NFIA: variants seen among roughly 807,000 people sequenced by gnomAD.
NFIA encodes nuclear factor I A.
A neutral mutation model predicts 62.8 loss-of-function variants in NFIA; 8 were observed. The ratio of observed to expected loss-of-function variants is 0.13; its 90% CI spans 0.07 to 0.23. The LOEUF (loss-of-function observed/expected upper bound fraction) is 0.23, where lower values mean the gene tolerates loss of function less well. Among genes scored for constraint, NFIA ranks in the 10% least tolerant of loss-of-function variants. NFIA has a pLI of 1.00. For missense variants in NFIA, 410 were observed against 642.1 expected (o/e 0.64, Z 3.91); for synonymous variants, 235 against 238.1 (o/e 0.99, Z 0.12).
At chr1:61,199,563 A>G (rs1652275452) in intron 2 of NFIA, among the ~76,000 whole-genome samples, 1 of 152,086 alleles carries the variant, frequency 6.6e-6, no homozygotes, top group Non-Finnish European at 1.5e-5. Flanking sequence ...TTGAGATTGT[A>G]TATACTACAT....
chr1:61,295,253 A>C (rs1425044452), intron 3 of NFIA, among the ~76,000 whole-genome samples: 2 of 152,216 alleles, frequency 1.3e-5, no homozygotes, highest in East Asian at 3.8e-4. Context: ...TCCATGGCAA[A>C]GCTGACTGAC....
At chr1:61,267,335 C>G (rs977767622) in intron 2 of NFIA, among the ~76,000 whole-genome samples, 29 of 151,748 alleles carry the variant, frequency 1.9e-4, no homozygotes, top group Admixed American at 1.6e-3. Context: ...ATGGTGAAAC[C>G]CTGTCTCTAC....
upstream of NFIA, among the ~76,000 whole-genome samples, chr1:61,079,349 T>G (rs1238339411): frequency 6.6e-6 from 1 of 152,264 alleles, no homozygotes; most frequent in East Asian, 1.9e-4. Flanking sequence ...CCCTATTAAG[T>G]AACCTCCAAA....
chr1:61,200,006 A>G lies in NFIA; in HGVS notation c.560-77514A>G, dbSNP rs1250000307. On this transcript the variant is annotated intron_variant, in intron 2 of 10. Coordinates refer to ENST00000403491, the MANE Select transcript of NFIA (RefSeq NM_001134673.4). ...CGAGACTCCAACTCACAAAATATAT[A>G]TATGTATATATATATATATATATAT... Among the ~76,000 whole-genome samples the G allele has an allele frequency of 7.5e-5, 5 of 66,928 alleles. 1 individual carries two copies. The highest frequency in any genetic ancestry group is 2.9e-4 in the African/African-American group (5 of 17,114). 43.9% of individuals were successfully genotyped at this position (66,928 alleles called of 152,430 possible). A position where few individuals can be genotyped will look rare whatever the true frequency, so the allele number is the denominator to read the frequency against.
chr1:61,309,855 C>T (rs561997820), intron 3 of NFIA, among the ~76,000 whole-genome samples: 5 of 152,230 alleles, frequency 3.3e-5, no homozygotes, highest in Admixed American at 6.5e-5. Flanking sequence ...CACCACTGCA[C>T]TCCAGCCTGG....
chr1:61,153,295 G>C (rs565305655), intron 2 of NFIA, among the ~76,000 whole-genome samples: 10 of 152,338 alleles, frequency 6.6e-5, no homozygotes, highest in African/African-American at 2.2e-4. Flanking sequence ...TTTGCCTGCA[G>C]AGTCTATAAG....
chr1:61,247,307 C>G (rs1056048771), intron 2 of NFIA, among the ~76,000 whole-genome samples: 10 of 152,340 alleles, frequency 6.6e-5, no homozygotes, highest in African/African-American at 2.2e-4. Context: ...GTGTACTTCA[C>G]AGACTTTCAT....
chr1:61,133,262 T>C (rs1197121707), intron 2 of NFIA, among the ~76,000 whole-genome samples: 3 of 150,798 alleles, frequency 2.0e-5, no homozygotes, highest in African/African-American at 7.3e-5. Flanking sequence ...GAGGCGGGAG[T>C]GGCTGGAGTT....
intron 2 of NFIA, among the ~76,000 whole-genome samples, chr1:61,185,635 C>CTT (rs755426214): frequency 0.04 from 5,271 of 130,616 alleles, 309 homozygotes; most frequent in East Asian, 0.21. Context: ...TCTAACCCCA[C>CTT]TTTTTTTTTT....
intron 2 of NFIA, among the ~76,000 whole-genome samples, chr1:61,157,068 C>A (rs957387384): frequency 2.6e-5 from 4 of 152,228 alleles, no homozygotes; most frequent in African/African-American, 9.6e-5. Context: ...TGTGGCTGTT[C>A]TATAGCTGTG....
Position 61,105,665 on chromosome 1 carries a change from A to G in NFIA, c.559+16985A>G, listed in dbSNP as rs146138201. 2.3e-3 allele frequency among the ~76,000 whole-genome samples: 348 copies of G among 152,046 alleles called. 2 individuals carry two copies. Among genetic ancestry groups the G allele is most frequent in the Non-Finnish European group, 3.3e-3 (227 of 67,832 alleles). ...TATATCAGTGAGTATAATGCTTATC[A>G]GTGAAATTCTAACTCATTTAATTAT... On this transcript the variant is annotated intron_variant, in intron 2 of 10. Coordinates refer to ENST00000403491, the MANE Select transcript of NFIA (RefSeq NM_001134673.4).
chr1:61,429,985 G>A (rs1363092218), intron 10 of NFIA, among the ~76,000 whole-genome samples: 1 of 152,190 alleles, frequency 6.6e-6, no homozygotes, highest in East Asian at 1.9e-4. Context: ...AAAGAGTTCT[G>A]GAGATGGATG....
At chr1:61,371,802 T>C (rs1341121469) in intron 6 of NFIA, among the ~76,000 whole-genome samples, 1 of 152,152 alleles carries the variant, frequency 6.6e-6, no homozygotes, top group Admixed American at 6.6e-5. Context: ...GAGACACATA[T>C]GGAAATAGTC....
intron 5 of NFIA, among the ~76,000 whole-genome samples, chr1:61,357,092 C>T (rs1229918990): frequency 1.3e-5 from 2 of 152,204 alleles, no homozygotes; most frequent in African/African-American, 2.4e-5. Flanking sequence ...TCTTCTATAA[C>T]CTCCACCCTT....
At chr1:61,103,073 C>T (rs1385720870) in intron 2 of NFIA, among the ~76,000 whole-genome samples, 1 of 152,092 alleles carries the variant, frequency 6.6e-6, no homozygotes, top group Non-Finnish European at 1.5e-5. Context: ...TGTATTTAGA[C>T]AAATGTAGCC....
intron 2 of NFIA, among the ~76,000 whole-genome samples, chr1:61,102,684 G>C (rs900005878): frequency 1.1e-4 from 17 of 152,272 alleles, no homozygotes; most frequent in African/African-American, 3.9e-4. Context: ...TGAGTCTGCA[G>C]TATTACCATT....
intron 6 of NFIA, among the ~76,000 whole-genome samples, chr1:61,359,565 G>GTTTGT (rs945794115): frequency 2.6e-5 from 4 of 151,998 alleles, no homozygotes; most frequent in South Asian, 2.1e-4. Flanking sequence ...TGGTTTTTTT[G>GTTTGT]TTTGTTTTGT....
At chr1:61,220,662 A>T (rs761235343) in intron 2 of NFIA, among the ~76,000 whole-genome samples, 1 of 152,186 alleles carries the variant, frequency 6.6e-6, no homozygotes, top group Non-Finnish European at 1.5e-5. Flanking sequence ...TAATAATGGC[A>T]TGTATTTATC....
At chr1:61,200,040 A>ATATATG (rs1652345930) in intron 2 of NFIA, among the ~76,000 whole-genome samples, 2 of 47,154 alleles carry the variant, frequency 4.2e-5, no homozygotes, top group African/African-American at 2.5e-4. Context: ...ATATATATAT[A>ATATATG]TATATATATA....
Sources: allele counts gnomAD v4.1 joint callset (sites outside exome capture counted in the v4.1 genomes callset), GRCh38; gene constraint gnomAD v4.1.1; transcripts MANE v1.5; gene names NCBI Gene and HGNC (gene_info 2026-07-23, HGNC 2026-07-21).